Variants in COL4A5 observed in about 807,000 individuals in gnomAD.
COL4A5 encodes collagen alpha-5(IV) chain.
COL4A5 carries 26 observed loss-of-function variants against 130.2 expected under a neutral mutation model. The observed-to-expected ratio is 0.20, with a 90% confidence interval of 0.15 to 0.28. The LOEUF is 0.28. Ranked by LOEUF, COL4A5 falls within the 10% of genes least tolerant of loss-of-function variation. The probability of loss-of-function intolerance (pLI) is 1.00; values close to 1 mark genes in which losing one functional copy is unlikely to be tolerated. For missense variants in COL4A5, 1,131 were observed against 1,344.3 expected (o/e 0.84, Z 2.48); for synonymous variants, 496 against 439.6 (o/e 1.13, Z -1.60).
At chrX:108,568,915 T>A in intron 6 of COL4A5, 94 bp downstream of exon 6, 1 of 763,198 alleles carries the variant, frequency 1.3e-6, no homozygotes, top group Non-Finnish European at 2.0e-6. Flanking sequence ...GAAGAAGGGA[T>A]ATAGTGTCTT....
intron 36 of COL4A5, among the ~76,000 whole-genome samples, chrX:108,650,538 A>G (rs779136107): frequency 2.4e-4 from 27 of 112,091 alleles, no homozygotes; most frequent in African/African-American, 7.8e-4. Context: ...ATGCCCATCA[A>G]TCAAAGAACT....
intron 3 of COL4A5, among the ~76,000 whole-genome samples, chrX:108,560,600 G>A (rs191224475): frequency 5.3e-5 from 6 of 112,799 alleles, no homozygotes; most frequent in South Asian, 7.3e-4. Context: ...CTGAATAACC[G>A]GAGTCTATCT....
At chrX:108,608,928 G>A (rs61653130) in intron 29 of COL4A5, among the ~76,000 whole-genome samples, 11,564 of 110,884 alleles carry the variant, frequency 0.1, 1,307 homozygotes, top group African/African-American at 0.34. Context: ...CTTTCTTTCT[G>A]AGGCTTCTTT....
intron 36 of COL4A5, among the ~76,000 whole-genome samples, chrX:108,634,971 C>G (rs749097455): frequency 6.8e-4 from 75 of 110,941 alleles, no homozygotes; most frequent in Non-Finnish European, 1.3e-3. Context: ...AAGCATAAGA[C>G]AAATTTCTGT....
rs369817184 is a variant in COL4A5 at position 108,655,321 on chromosome X, G to T, written c.3247-10G>T. 8.3e-7 allele frequency: 1 copy of T among 1,207,794 alleles called. No homozygotes were observed. The highest frequency in any genetic ancestry group is 1.1e-6 in the Non-Finnish European group (1 of 893,434). ...AGACTTCAGTATTATCTTTTTATTC[G>T]TGTTTTCAGGGTGAGCCTGGTCTGC... is the stretch of plus-strand genomic sequence containing the variant. On this transcript the variant is annotated splice_polypyrimidine_tract_variant and intron_variant, in intron 36 of 52. Coordinates refer to ENST00000328300, the MANE Select transcript of COL4A5 (RefSeq NM_033380.3).
chrX:108,472,842 G>A (rs1292215148), intron 1 of COL4A5, among the ~76,000 whole-genome samples: 5 of 111,606 alleles, frequency 4.5e-5, no homozygotes, highest in Non-Finnish European at 9.4e-5. Flanking sequence ...TTGAGGAACC[G>A]CCATACTGTT....
chrX:108,482,792 T>G (rs2064904998), intron 1 of COL4A5, among the ~76,000 whole-genome samples: 1 of 111,796 alleles, frequency 8.9e-6, no homozygotes, highest in South Asian at 3.8e-4. Flanking sequence ...CAGTATCTCC[T>G]TCTGAAGCCA....
Position 108,548,030 on chromosome X carries a change from G to A in COL4A5, c.141+8225G>A, listed in dbSNP as rs1315836742. On this transcript the variant is annotated intron_variant, in intron 2 of 52. Transcript: ENST00000328300. The stretch of plus-strand genomic sequence containing the variant: ...GTCCCCTCTTCCCTTGGCTAGGAAA[G>A]GGAATTCCCTGACCCCTTGCACTTC... 4.5e-5 allele frequency among the ~76,000 whole-genome samples: 5 copies of A among 112,012 alleles called. No individual in the cohort carries two copies. In the Admixed American group the frequency reaches 4.7e-4, roughly 11 times the overall value.
At chrX:108,625,816 A>C (rs1297472652) in intron 35 of COL4A5, 22 bp downstream of exon 35, 2 of 1,079,090 alleles carry the variant, frequency 1.9e-6, no homozygotes, top group Admixed American at 4.4e-5. Context: ...AAATCTTCCA[A>C]ATATTTAGTC....
At chrX:108,588,828 A>G (rs1361304341) in intron 19 of COL4A5, among the ~76,000 whole-genome samples, 2 of 111,472 alleles carry the variant, frequency 1.8e-5, no homozygotes, top group African/African-American at 6.5e-5. Context: ...AATGGAGCAC[A>G]TTTTCAAAGT....
intron 36 of COL4A5, among the ~76,000 whole-genome samples, chrX:108,641,070 A>T (rs1178552299): frequency 8.9e-6 from 1 of 111,911 alleles, no homozygotes; most frequent in Non-Finnish European, 1.9e-5. Flanking sequence ...AAAGAGAGAA[A>T]ATAACAAATG....
Position 108,694,785 on chromosome X carries a change from C to G in COL4A5, c.4707-22C>G, listed in dbSNP as rs1347778079. Reference sequence around the variant, plus strand: ...ACATGCTCACTCTGTAGATTATGTTCCTTCTCCTTTTCCTTTACCAGATGT... The same window carrying G: ...ACATGCTCACTCTGTAGATTATGTTGCTTCTCCTTTTCCTTTACCAGATGT... On this transcript the variant is annotated intron_variant, in intron 50 of 52. Transcript: ENST00000328300. 3.5e-6 allele frequency: 4 copies of G among 1,128,539 alleles called. No homozygotes were observed. In the African/African-American group the frequency reaches 7.2e-5, roughly 20 times the overall value. 93.0% of individuals were successfully genotyped at this position (1,128,539 alleles called of 1,213,427 possible). A position where few individuals can be genotyped will look rare whatever the true frequency, so the allele number is the denominator to read the frequency against.
intron 2 of COL4A5, among the ~76,000 whole-genome samples, chrX:108,553,051 CA>C (rs1280411253): frequency 1.8e-5 from 2 of 111,334 alleles, no homozygotes; most frequent in African/African-American, 3.3e-5. Context: ...TGCGTATGCA[CA>C]AAAATGGCTC....
At chrX:108,661,096 A>G (rs183036700) in intron 37 of COL4A5, among the ~76,000 whole-genome samples, 190 of 112,290 alleles carry the variant, frequency 1.7e-3, no homozygotes, top group African/African-American at 5.6e-3. Flanking sequence ...GCCTAAATGT[A>G]TAATAGGCCA....
chrX:108,441,989 G>T (rs763995009), intron 1 of COL4A5, among the ~76,000 whole-genome samples: 4 of 111,606 alleles, frequency 3.6e-5, no homozygotes, highest in African/African-American at 1.3e-4. Flanking sequence ...AGTCATTACA[G>T]CTCTTTCCCT....
At position 108,697,144 on chromosome X, in the gene COL4A5, C is replaced by A. The variant is rs2068748886; in HGVS notation, c.*766C>A. ...TACCAAATTATAATATCTAATGGAG[C>A]AATTTGTCTTTTGCTATATTCTCCA... On this transcript the variant is annotated 3_prime_UTR_variant, in exon 53 of 53. Transcript: ENST00000328300. 9.0e-6 allele frequency: 1 copy of A among 111,395 alleles called. No individual in the cohort carries two copies. Among genetic ancestry groups the A allele is most frequent in the South Asian group, 3.7e-4 (1 of 2,699 alleles). 9.2% of individuals were successfully genotyped at this position (111,395 alleles called of 1,213,427 possible). A position where few individuals can be genotyped will look rare whatever the true frequency, so the allele number is the denominator to read the frequency against.
chrX:108,484,525 C>T (rs1313014733), intron 1 of COL4A5, among the ~76,000 whole-genome samples: 2 of 112,664 alleles, frequency 1.8e-5, no homozygotes, highest in East Asian at 2.8e-4. Flanking sequence ...ACATCCCAAG[C>T]CCAATAGTGC....
chrX:108,641,500 G>T (rs1221258784), intron 36 of COL4A5, among the ~76,000 whole-genome samples: 1 of 111,818 alleles, frequency 8.9e-6, no homozygotes, highest in Non-Finnish European at 1.9e-5. Context: ...ACAAGAGGAT[G>T]CACAGACCCT....
rs771789699 is a variant in COL4A5 at position 108,639,670 on chromosome X, ACTC to A, written c.3246+13324_3246+13326del. Among the ~76,000 whole-genome samples, 3 of 111,864 alleles carry A rather than the reference ACTC, an allele frequency of 2.7e-5. No individual in the cohort carries two copies. The South Asian group carries it at 1.1e-3, about 41-fold the overall frequency. On this transcript the variant is annotated intron_variant, in intron 36 of 52. Transcript: ENST00000328300. ...ATTAATTTCCAGAATTTTAAAAAGA[ACTC>A]CTACAAGTCAATAACAAAAGCCATC...
Sources: allele counts gnomAD v4.1 joint callset (sites outside exome capture counted in the v4.1 genomes callset), GRCh38; gene constraint gnomAD v4.1.1; transcripts MANE v1.5; gene names NCBI Gene and HGNC (gene_info 2026-07-23, HGNC 2026-07-21).